The following CIP2A variants were observed in gnomAD, a reference collection of about 807,000 sequenced individuals.
The protein encoded by CIP2A is protein CIP2A.
Under a neutral mutation model 110.9 loss-of-function variants are expected in CIP2A, and 103 were observed. That is an observed-to-expected ratio of 0.93 (90% CI 0.79 to 1.09). The LOEUF is 1.09. Among genes scored for constraint, CIP2A ranks in the 50% least tolerant of loss-of-function variants. CIP2A has a pLI of 0.00. For missense variants in CIP2A, 1,088 were observed against 1,038.4 expected (o/e 1.05, Z -0.66); for synonymous variants, 381 against 361.6 (o/e 1.05, Z -0.61).
Position 108,569,426 on chromosome 3 carries a change from G to C in CIP2A, c.1076C>G (p.Ser359Cys). The change falls in exon 9 of 21, where the codon TCT becomes TGT. Residue 359 changes from serine (S) to cysteine (C), a missense_variant. By Grantham distance (112) the Ser-to-Cys change is moderately radical. Transcript: ENST00000295746. ...CTTGAACAACTCCAATGCTAAAACA[G>C]AACAGTTTTCTGATCCGTCCAAAGG... ...SQPLDGSENC[S>C]VLALELFKEI... The C allele has an allele frequency of 6.2e-7, 1 of 1,612,386 alleles. No individual in the cohort carries two copies. Among genetic ancestry groups the C allele is most frequent in the Non-Finnish European group, 8.5e-7 (1 of 1,179,100 alleles).
intron 9 of CIP2A, 35 bp from the exon 10 acceptor site, chr3:108,568,349 A>G: frequency 6.3e-7 from 1 of 1,574,840 alleles, no homozygotes; most frequent in Non-Finnish European, 8.7e-7. Flanking sequence ...ATTAAAAGCA[A>G]AGATGGAATA....
chr3:108,585,846 T>G (rs1939024564), intron 1 of CIP2A: 1 of 449,534 alleles, frequency 2.2e-6, no homozygotes, highest in South Asian at 1.6e-5. Context: ...ATTATTCCAT[T>G]GTTTTTTTTA....
At chr3:108,570,647 C>T (rs1246993112) in intron 8 of CIP2A, among the ~76,000 whole-genome samples, 1 of 152,054 alleles carries the variant, frequency 6.6e-6, no homozygotes. Context: ...AAAAACGGTA[C>T]ACCTGTATAG....
intron 10 of CIP2A, among the ~76,000 whole-genome samples, chr3:108,567,139 C>T (rs1938216233): frequency 6.6e-6 from 1 of 151,724 alleles, no homozygotes; most frequent in African/African-American, 2.4e-5. Context: ...TAAACAATCA[C>T]AAACAAAAAA....
At chr3:108,553,437 T>C (rs952770577) in intron 19 of CIP2A, among the ~76,000 whole-genome samples, 1 of 151,986 alleles carries the variant, frequency 6.6e-6, no homozygotes, top group South Asian at 2.1e-4. Flanking sequence ...CAATTTCTTA[T>C]AGCTCCTAAA....
intron 14 of CIP2A, among the ~76,000 whole-genome samples, chr3:108,560,239 T>C (rs965947029): frequency 4.6e-5 from 7 of 152,088 alleles, no homozygotes; most frequent in African/African-American, 1.7e-4. Context: ...TGGTATGATC[T>C]TGGCTCACTG....
intron 11 of CIP2A, 139 bp from the exon 12 acceptor site, chr3:108,565,593 A>G (rs1186172439): frequency 3.7e-6 from 2 of 535,550 alleles, no homozygotes; most frequent in Non-Finnish European, 6.7e-6. Flanking sequence ...GTTTCTATTG[A>G]GAAGTAAAAA....
At chr3:108,574,223 G>A (rs1938490874) in intron 8 of CIP2A, among the ~76,000 whole-genome samples, 1 of 151,916 alleles carries the variant, frequency 6.6e-6, no homozygotes, top group South Asian at 2.1e-4. Flanking sequence ...ACACGTCAAA[G>A]AACATACAAA....
At chr3:108,570,898 G>A (rs1252155804) in intron 8 of CIP2A, among the ~76,000 whole-genome samples, 1 of 152,076 alleles carries the variant, frequency 6.6e-6, no homozygotes, top group East Asian at 1.9e-4. Flanking sequence ...TTTGTAGTAA[G>A]AGAAACACAC....
At chr3:108,581,539 A>G (rs1365196058) in intron 4 of CIP2A, 28 bp from the exon 5 acceptor site, 1 of 1,391,670 alleles carries the variant, frequency 7.2e-7, no homozygotes, top group African/African-American at 1.4e-5. Context: ...TGTTTTGTTT[A>G]AAGAAAAAAT....
intron 1 of CIP2A, among the ~76,000 whole-genome samples, chr3:108,586,328 G>C (rs112556001): frequency 6.6e-6 from 1 of 151,852 alleles, no homozygotes; most frequent in African/African-American, 2.4e-5. Context: ...CAGATATTCT[G>C]GGGTAGGAAA....
Position 108,565,461 on chromosome 3 carries a change from A to G in CIP2A, c.1416-7T>C. ...TACATCAGCAGCAAGTTTGCTTTAA[A>G]GATAAATCACATTTAAATTAGATAA... On this transcript the variant is annotated splice_polypyrimidine_tract_variant and splice_region_variant and intron_variant, in intron 11 of 20. Transcript: ENST00000295746. 6.7e-7 allele frequency: 1 copy of G among 1,501,824 alleles called. No individual in the cohort carries two copies. The highest frequency in any genetic ancestry group is 9.2e-7 in the Non-Finnish European group (1 of 1,092,662). The allele number at this position is 1,501,824 out of a possible 1,614,324, so 93.0% of individuals were successfully genotyped here.
In CIP2A at chr3:108,585,169, T is replaced by C; in HGVS notation, c.146A>G (p.Gln49Arg). Residue 49 changes from glutamine (Q) to arginine (R), a missense_variant, in exon 2 of 21, where the codon CAG becomes CGG. Coordinates refer to ENST00000295746, the MANE Select transcript of CIP2A (RefSeq NM_020890.3). ...ACTCAAGCATTCACTTGTTAATATC[T>C]GATTTGATGTAAATAGTCGTGTGAG... ...QKLTRLFTSNQILTSECLSCL... is the reference protein window; with the variant it reads ...QKLTRLFTSNRILTSECLSCL... 6.2e-7 allele frequency: 1 copy of C among 1,612,954 alleles called. No individual in the cohort carries two copies.
intron 8 of CIP2A, among the ~76,000 whole-genome samples, chr3:108,573,993 T>C: frequency 6.6e-6 from 1 of 152,122 alleles, no homozygotes; most frequent in Admixed American, 6.6e-5. Context: ...GAGTCCATCT[T>C]TGTGACTTTG....
Position 108,589,418 on chromosome 3 carries a change from G to A in CIP2A, c.-43C>T, listed in dbSNP as rs374229316. ...GGCTTAGGGACCACCACCGCCCAGC[G>A]TGCGCCGGCCTTTAGCTTTCGCCGC... On this transcript the variant is annotated 5_prime_UTR_variant, in exon 1 of 21. It adds an upstream start codon to the 5' untranslated region. Transcript: ENST00000295746. 7.7e-6 allele frequency: 11 copies of A among 1,435,462 alleles called. No individual in the cohort carries two copies. The highest frequency in any genetic ancestry group is 1.8e-5 in the Admixed American group (1 of 54,290). The allele number at this position is 1,435,462 out of a possible 1,614,324, so 88.9% of individuals were successfully genotyped here. A position where few individuals can be genotyped will look rare whatever the true frequency, so the allele number is the denominator to read the frequency against.
chr3:108,585,265 T>C, intron 1 of CIP2A, 53 bp from the exon 2 acceptor site: 1 of 1,474,968 alleles, frequency 6.8e-7, no homozygotes, highest in Non-Finnish European at 9.1e-7. Flanking sequence ...TTTTCATCTC[T>C]TCTCCATTTC....
intron 8 of CIP2A, among the ~76,000 whole-genome samples, 184 bp downstream of exon 8, chr3:108,576,087 G>A (rs935856011): frequency 6.6e-6 from 1 of 151,906 alleles, no homozygotes; most frequent in Non-Finnish European, 1.5e-5. Flanking sequence ...GGGAGCACAA[G>A]AAGAGTTCTA....
chr3:108,584,030 A>C (rs1470003470), intron 2 of CIP2A, among the ~76,000 whole-genome samples: 1 of 152,218 alleles, frequency 6.6e-6, no homozygotes, highest in Non-Finnish European at 1.5e-5. Flanking sequence ...AAGTGGAAGA[A>C]TCTTTTCAGA....
At chr3:108,554,001 T>C (rs1464105975) in intron 18 of CIP2A, among the ~76,000 whole-genome samples, 1 of 151,416 alleles carries the variant, frequency 6.6e-6, no homozygotes, top group African/African-American at 2.4e-5. Flanking sequence ...GCTCAAGTGA[T>C]TCTCCTGCCT....
Sources: allele counts gnomAD v4.1 joint callset (sites outside exome capture counted in the v4.1 genomes callset), GRCh38; gene constraint gnomAD v4.1.1; transcripts MANE v1.5; gene names NCBI Gene and HGNC (gene_info 2026-07-23, HGNC 2026-07-21).